Variants in TENM1 observed in about 807,000 individuals in gnomAD.
The protein encoded by TENM1 is teneurin transmembrane protein 1, also known as teneurin-1.
In TENM1, 35 loss-of-function variants were observed where a neutral mutation model predicts 174.8. The observed-to-expected ratio is 0.20, with a 90% CI of 0.15 to 0.27. The LOEUF is 0.27. Among genes scored for constraint, TENM1 ranks in the 10% least tolerant of loss-of-function variants. The pLI is 1.00. For synonymous variants in TENM1, 781 were observed against 798.7 expected (o/e 0.98, Z 0.37); for missense variants, 1,633 against 2,130.1 (o/e 0.77, Z 4.59).
At chrX:124,645,114 G>A (rs1479102675) in intron 10 of TENM1, 29 bp downstream of exon 13, 3 of 1,186,832 alleles carry the variant, frequency 2.5e-6, no homozygotes, top group African/African-American at 3.5e-5. Context: ...AGAAAAGCCT[G>A]AAGCAATAGA....
intron 17 of TENM1, among the ~76,000 whole-genome samples, chrX:124,522,352 A>G (rs2047869301): frequency 9.0e-6 from 1 of 111,681 alleles, no homozygotes; most frequent in Admixed American, 9.5e-5. Context: ...GTTAAGACCT[A>G]TGAGTCCATT....
At chrX:124,696,239 A>T (rs1408167164) in intron 5 of TENM1, among the ~76,000 whole-genome samples, 2 of 111,985 alleles carry the variant, frequency 1.8e-5, no homozygotes, top group African/African-American at 6.5e-5. Context: ...CTAAAGAGCC[A>T]AATAGTTCAA....
intron 3 of TENM1, among the ~76,000 whole-genome samples, chrX:124,813,391 A>T (rs2055826633): frequency 8.9e-6 from 1 of 111,773 alleles, no homozygotes; most frequent in Non-Finnish European, 1.9e-5. Flanking sequence ...ATTTGACAAT[A>T]TTTGTCCAAT....
intron 3 of TENM1, among the ~76,000 whole-genome samples, chrX:124,799,819 T>A (rs762080883): frequency 6.9e-4 from 77 of 111,830 alleles, no homozygotes; most frequent in Middle Eastern, 4.6e-3. Flanking sequence ...GAAGGGATGT[T>A]GAATTTTACC....
chrX:124,928,147 T>C (rs1309119121), intron 1 of TENM1, among the ~76,000 whole-genome samples: 3 of 112,231 alleles, frequency 2.7e-5, no homozygotes, highest in Non-Finnish European at 5.6e-5. Context: ...TTGGTTTATG[T>C]CCTGATTTCT....
chrX:124,471,178 C>CTA (rs1280247189), intron 22 of TENM1, among the ~76,000 whole-genome samples: 1 of 66,398 alleles, frequency 1.5e-5, no homozygotes, highest in Non-Finnish European at 2.6e-5. Flanking sequence ...ATATATAGTA[C>CTA]TATATAATAT....
chrX:124,984,620 C>A, the TENM1 span, among the ~76,000 whole-genome samples: 1 of 111,352 alleles, frequency 9.0e-6, no homozygotes, highest in Non-Finnish European at 1.9e-5. Flanking sequence ...AGGGCAGAGA[C>A]AGAATTGGCC....
intron 4 of TENM1, among the ~76,000 whole-genome samples, chrX:124,733,892 A>G (rs2053615188): frequency 9.0e-6 from 1 of 111,578 alleles, no homozygotes; most frequent in Admixed American, 9.5e-5. Flanking sequence ...CATTTGCCTG[A>G]ACCCATTCCC....
intron 1 of TENM1, among the ~76,000 whole-genome samples, chrX:124,961,068 T>G (rs1206499882): frequency 4.5e-5 from 5 of 112,018 alleles, no homozygotes; most frequent in Admixed American, 9.5e-5. Flanking sequence ...TATCTTAAAT[T>G]TTGGCTCAAT....
chrX:124,772,576 G>T (rs947714066), intron 3 of TENM1, among the ~76,000 whole-genome samples: 1 of 111,629 alleles, frequency 9.0e-6, no homozygotes, highest in Non-Finnish European at 1.9e-5. Flanking sequence ...TATAAAAAGT[G>T]TAAACATTTT....
At chrX:124,894,136 G>C (rs749634454) in intron 3 of TENM1, among the ~76,000 whole-genome samples, 160 bp downstream of exon 6, 8 of 111,918 alleles carry the variant, frequency 7.1e-5, no homozygotes, top group South Asian at 7.5e-4. Context: ...TTTTCAAGAA[G>C]AAAACAAACA....
intron 3 of TENM1, among the ~76,000 whole-genome samples, chrX:124,833,844 A>G (rs1373583828): frequency 1.8e-5 from 2 of 111,062 alleles, no homozygotes; most frequent in African/African-American, 3.3e-5. Flanking sequence ...TCGGACCATC[A>G]TAATAGCATG....
chrX:124,716,597 A>G (rs184209268), intron 4 of TENM1, among the ~76,000 whole-genome samples: 21 of 112,334 alleles, frequency 1.9e-4, no homozygotes, highest in Admixed American at 1.7e-3. Context: ...CAATTATTGC[A>G]TTGCCTTTCA....
chrX:124,377,721 C>T, exon 32 of TENM1: 1 of 111,903 alleles, frequency 8.9e-6, no homozygotes. Context: ...TATGCTCTCA[C>T]TTTAACTTAC....
intron 22 of TENM1, among the ~76,000 whole-genome samples, chrX:124,458,709 G>A (rs907681441): frequency 2.7e-5 from 3 of 111,677 alleles, no homozygotes; most frequent in African/African-American, 9.8e-5. Flanking sequence ...ATAAATTTGT[G>A]GGCTAGTTAA....
At chrX:124,528,433 G>A (rs1014697466) in intron 16 of TENM1, among the ~76,000 whole-genome samples, 2 of 110,978 alleles carry the variant, frequency 1.8e-5, no homozygotes, top group African/African-American at 6.6e-5. Context: ...AGGCCTCCAC[G>A]AGAAGTCAAA....
the TENM1 span, among the ~76,000 whole-genome samples, chrX:125,123,973 G>A: frequency 8.9e-6 from 1 of 112,531 alleles, no homozygotes; most frequent in Non-Finnish European, 1.9e-5. Context: ...CTCTGCCACT[G>A]AGTAGCTGGT....
At chrX:124,954,392 T>C (rs866990911) in intron 1 of TENM1, among the ~76,000 whole-genome samples, 34 of 112,099 alleles carry the variant, frequency 3.0e-4, no homozygotes, top group African/African-American at 1.0e-3. Context: ...TTCTGGCTTC[T>C]TTCCCTTCTC....
chrX:124,916,242 A>C (rs1417721936), intron 1 of TENM1, among the ~76,000 whole-genome samples: 1 of 112,114 alleles, frequency 8.9e-6, no homozygotes. Flanking sequence ...CACCTGATCC[A>C]GTCTGGGCCA....
Sources: allele counts gnomAD v4.1 joint callset (sites outside exome capture counted in the v4.1 genomes callset), GRCh38; gene constraint gnomAD v4.1.1; transcripts MANE v1.5; gene names NCBI Gene and HGNC (gene_info 2026-07-23, HGNC 2026-07-21).